The following NRG2 variants were observed in gnomAD, a reference collection of about 807,000 sequenced individuals.
NRG2 encodes pro-neuregulin-2, membrane-bound isoform.
A neutral mutation model predicts 73.9 loss-of-function variants in NRG2; 27 were observed. The observed-to-expected ratio is 0.37, with a 90% CI of 0.27 to 0.50. The LOEUF is 0.50. NRG2 is among the 20% of genes least tolerant of loss of function. The pLI is 0.96. For synonymous variants in NRG2, 532 were observed against 541.0 expected (o/e 0.98, Z 0.23); for missense variants, 1,126 against 1,210.1 (o/e 0.93, Z 1.03).
chr5:139,975,999 A>G (rs1481554733), intron 1 of NRG2, among the ~76,000 whole-genome samples: 1 of 152,244 alleles, frequency 6.6e-6, no homozygotes, highest in Non-Finnish European at 1.5e-5. Context: ...TACCTAAATT[A>G]TTACATTTAA....
chr5:139,999,347 A>T (rs1006301051), intron 1 of NRG2, among the ~76,000 whole-genome samples: 1 of 152,230 alleles, frequency 6.6e-6, no homozygotes, highest in African/African-American at 2.4e-5. Flanking sequence ...CCAAAATATC[A>T]GTAGAGAATC....
intron 2 of NRG2, among the ~76,000 whole-genome samples, chr5:139,885,469 C>T (rs1262886978): frequency 6.6e-6 from 1 of 152,094 alleles, no homozygotes; most frequent in Non-Finnish European, 1.5e-5. Flanking sequence ...TCCAGCAGGT[C>T]AAAGAGTGAG....
Position 139,848,049 on chromosome 5 carries a change from C to T in NRG2, c.2421G>A (p.Ser807=), listed in dbSNP as rs1256763163. ...GLRGAHDALR[S]DSPPLCPAAD... is the part of the protein sequence containing the mutation. ...CCGCCGGGCACAGTGGCGGCGAGTC[C>T]GAGCGCAGCGCGTCGTGCGCCCCAC... The change falls in exon 10 of 10, where the codon TCG becomes TCA. Residue 807 remains serine, a synonymous_variant. Coordinates refer to ENST00000361474, the MANE Select transcript of NRG2 (RefSeq NM_004883.3). 27 of 1,505,948 alleles carry T rather than the reference C, an allele frequency of 1.8e-5. No homozygotes were observed. Among genetic ancestry groups the T allele is most frequent in the Middle Eastern group, 4.5e-4 (2 of 4,470 alleles). 93.3% of individuals were successfully genotyped at this position (1,505,948 alleles called of 1,614,324 possible).
intron 1 of NRG2, among the ~76,000 whole-genome samples, chr5:139,893,184 A>C (rs529308807): frequency 1.2e-4 from 19 of 152,354 alleles, no homozygotes; most frequent in African/African-American, 4.6e-4. Flanking sequence ...TTTCTCAGTC[A>C]ATATACATTC....
At chr5:140,012,449 T>C (rs962309977) in intron 1 of NRG2, among the ~76,000 whole-genome samples, 3 of 152,222 alleles carry the variant, frequency 2.0e-5, no homozygotes, top group East Asian at 3.8e-4. Context: ...TCATAAGTGG[T>C]CATTCCAATA....
intron 1 of NRG2, among the ~76,000 whole-genome samples, chr5:139,916,152 C>T (rs1297584850): frequency 1.3e-5 from 2 of 152,148 alleles, no homozygotes. Context: ...CCTGCAGCCT[C>T]TGTGGGGTGC....
At chr5:140,042,310 C>A (rs997296583) in intron 1 of NRG2, 60 bp downstream of exon 1, 1 of 1,370,558 alleles carries the variant, frequency 7.3e-7, no homozygotes, top group African/African-American at 1.5e-5. Context: ...CCGCCCCACC[C>A]CCATTCTCCA....
chr5:139,987,592 A>G (rs904200636), intron 1 of NRG2, among the ~76,000 whole-genome samples: 4 of 152,078 alleles, frequency 2.6e-5, no homozygotes, highest in Non-Finnish European at 4.4e-5. Flanking sequence ...TCCACTGCCA[A>G]TGAGACTGTC....
At chr5:139,864,754 C>T (rs1004297769) in intron 5 of NRG2, among the ~76,000 whole-genome samples, 13 of 138,726 alleles carry the variant, frequency 9.4e-5, no homozygotes, top group South Asian at 2.3e-4. Flanking sequence ...TCAAACACGT[C>T]GGCACACACA....
rs1187299286 is a variant in NRG2, at chr5:139,848,546, C to T, written c.1924G>A (p.Ala642Thr). 6.6e-7 allele frequency: 1 copy of T among 1,510,350 alleles called. No homozygotes were observed. The highest frequency in any genetic ancestry group is 8.8e-7 in the Non-Finnish European group (1 of 1,141,196). The allele number at this position is 1,510,350 out of a possible 1,614,324, so 93.6% of individuals were successfully genotyped here. A position where few individuals can be genotyped will look rare whatever the true frequency, so the allele number is the denominator to read the frequency against. The change falls in exon 10 of 10, where the codon GCC becomes ACC. Residue 642 changes from alanine (A) to threonine (T), a missense_variant. Physicochemically the swap from Ala to Thr is moderately conservative, Grantham distance 58. This residue lies in a region of NRG2 where 402 missense variants were observed against 357.8 expected (regional missense o/e 1.12). Coordinates refer to ENST00000361474, the MANE Select transcript of NRG2 (RefSeq NM_004883.3). ...TGCCGCAGTAACGGCTGCTGCTCGG[C>T]CAGGCGGTAACTGATGGGCGCCGCC... ...PPAAPISYRL[A>T]EQQPLLRHPA... is the part of the protein sequence containing the mutation.
chr5:139,938,869 A>G (rs1753058331), intron 1 of NRG2, among the ~76,000 whole-genome samples: 1 of 110,014 alleles, frequency 9.1e-6, no homozygotes, highest in Non-Finnish European at 1.8e-5. Flanking sequence ...AGAGAGAGAG[A>G]GAGAGAGAGA....
intron 1 of NRG2, among the ~76,000 whole-genome samples, chr5:139,950,854 C>T (rs1754147291): frequency 6.6e-6 from 1 of 152,200 alleles, no homozygotes; most frequent in Non-Finnish European, 1.5e-5. Flanking sequence ...ATCACTGCCG[C>T]CATTTCAACC....
intron 1 of NRG2, among the ~76,000 whole-genome samples, chr5:139,960,839 A>G (rs1414457712): frequency 2.0e-5 from 3 of 152,190 alleles, no homozygotes; most frequent in Admixed American, 2.0e-4. Flanking sequence ...AGTTAACCCC[A>G]CCACCTTCTA....
intron 1 of NRG2, among the ~76,000 whole-genome samples, chr5:140,004,700 G>C (rs1367781703): frequency 6.6e-6 from 1 of 152,198 alleles, no homozygotes; most frequent in East Asian, 1.9e-4. Context: ...TTACAAATTA[G>C]AAGAGACAAA....
intron 1 of NRG2, among the ~76,000 whole-genome samples, chr5:139,890,153 T>C (rs1158177501): frequency 2.0e-5 from 3 of 152,136 alleles, no homozygotes; most frequent in African/African-American, 7.3e-5. Context: ...TATTATCATG[T>C]CTTTAATCTT....
At chr5:140,025,746 T>C (rs1262714462) in intron 1 of NRG2, among the ~76,000 whole-genome samples, 1 of 152,230 alleles carries the variant, frequency 6.6e-6, no homozygotes, top group African/African-American at 2.4e-5. Flanking sequence ...GATAAAATCC[T>C]AAGGTCATTC....
chr5:139,994,840 G>T (rs750613087), intron 1 of NRG2, among the ~76,000 whole-genome samples: 31 of 152,152 alleles, frequency 2.0e-4, no homozygotes, highest in Non-Finnish European at 4.0e-4. Flanking sequence ...TCAGAGAGGG[G>T]TATGCAGAAG....
chr5:140,032,208 TGA>T (rs1228784796), intron 1 of NRG2, among the ~76,000 whole-genome samples: 3 of 152,092 alleles, frequency 2.0e-5, no homozygotes, highest in Non-Finnish European at 2.9e-5. Flanking sequence ...GGCATTCCAG[TGA>T]GAGACCAGAA....
chr5:139,859,980 A>G (rs573262462), intron 5 of NRG2: 2 of 1,483,826 alleles, frequency 1.3e-6, no homozygotes, highest in South Asian at 2.3e-5. Flanking sequence ...GGGTGGGGAC[A>G]GGGGGAGAGA....
Sources: gnomAD v4.1 joint callset for allele counts (sites outside exome capture counted in the v4.1 genomes callset) on GRCh38, gnomAD v4.1.1 for gene constraint, gnomAD v4.1.1 regional missense constraint, MANE v1.5 for transcripts, NCBI Gene and HGNC (gene_info 2026-07-23, HGNC 2026-07-21) for gene names.